The following CBR4 variants were observed in gnomAD, a reference collection of about 807,000 sequenced individuals.
The protein encoded by CBR4 is carbonyl reductase 4, also known as 3-oxoacyl-[acyl-carrier-protein] reductase.
Under a neutral mutation model 21.0 loss-of-function variants are expected in CBR4, and 22 were observed. The observed-to-expected ratio is 1.05, with a 90% CI of 0.75 to 1.50. The LOEUF (loss-of-function observed/expected upper bound fraction) is 1.50, where lower values mean the gene tolerates loss of function less well. Among genes scored for constraint, CBR4 ranks in the 40% most tolerant of loss-of-function variants. The pLI, the probability that CBR4 is intolerant of heterozygous loss-of-function variation, is 0.00. For synonymous variants in CBR4, 100 were observed against 104.4 expected (o/e 0.96, Z 0.26); for missense variants, 302 against 286.3 (o/e 1.05, Z -0.40).
chr4:168,931,092 T>C (rs1003276120), intron 2 of CBR4, among the ~76,000 whole-genome samples: 10 of 152,156 alleles, frequency 6.6e-5, no homozygotes, highest in African/African-American at 2.4e-4. Flanking sequence ...ACTCTGGTTC[T>C]GCACAGCAGG....
chr4:168,921,629 G>C, intron 2 of CBR4: 1 of 1,610,846 alleles, frequency 6.2e-7, no homozygotes, highest in Non-Finnish European at 8.5e-7. Flanking sequence ...GTGAGAACGG[G>C]GTGCACTCTC....
intron 2 of CBR4, among the ~76,000 whole-genome samples, chr4:168,979,067 G>C (rs1051751381): frequency 6.6e-6 from 1 of 151,682 alleles, no homozygotes; most frequent in African/African-American, 2.4e-5. Context: ...AGCATGCCTT[G>C]CAGAAAAAGA....
chr4:168,951,781 C>G (rs1346222713), intron 2 of CBR4, among the ~76,000 whole-genome samples: 1 of 152,206 alleles, frequency 6.6e-6, no homozygotes. Context: ...GCTGAGAAAT[C>G]TGCTGTTAGT....
chr4:168,944,371 A>C (rs1205299774), intron 2 of CBR4, among the ~76,000 whole-genome samples: 4 of 152,038 alleles, frequency 2.6e-5, no homozygotes, highest in African/African-American at 9.7e-5. Context: ...CCAGCTATTC[A>C]GGAGGCTATG....
chr4:168,903,873 T>C lies in CBR4; in HGVS notation n.170-9108A>G. The C allele has an allele frequency of 3.1e-6, 5 of 1,614,078 alleles. No individual in the cohort carries two copies. Among genetic ancestry groups the C allele is most frequent in the Non-Finnish European group, 3.4e-6 (4 of 1,179,938 alleles). On this transcript the variant is annotated intron_variant and non_coding_transcript_variant, in intron 2 of 3. Coordinates refer to the CBR4 transcript ENST00000509108. ...CCACAGCCTCCACCCTAGATGATGA[T>C]GGGAATTATACAATTATGGCTGCAA...
chr4:168,963,367 AGAG>A (rs1340881795), intron 2 of CBR4, among the ~76,000 whole-genome samples: 1 of 152,240 alleles, frequency 6.6e-6, no homozygotes, highest in Non-Finnish European at 1.5e-5. Context: ...TTACTCATTC[AGAG>A]AAGATAACAG....
At chr4:168,977,470 CCA>C (rs1764407114) in intron 2 of CBR4, among the ~76,000 whole-genome samples, 1 of 152,158 alleles carries the variant, frequency 6.6e-6, no homozygotes, top group Non-Finnish European at 1.5e-5. Flanking sequence ...CATCCTATGC[CCA>C]CACATAGAAC....
At position 168,979,178 on chromosome 4, in the gene CBR4, C is replaced by T. The variant is rs115328856; in HGVS notation, n.169+22893G>A. The stretch of plus-strand genomic sequence containing the variant: ...AAGCCCCCCTCCCTGCTCCCACACC[C>T]CAAGCACAGTCACCCCACCCCCACT... On this transcript the variant is annotated intron_variant and non_coding_transcript_variant, in intron 2 of 3. Coordinates refer to the CBR4 transcript ENST00000509108. Among the ~76,000 whole-genome samples, 632 of 151,972 alleles carry T rather than the reference C, an allele frequency of 4.2e-3. 7 individuals are homozygous for T. The highest frequency in any genetic ancestry group is 0.015 in the African/African-American group (602 of 41,360).
chr4:168,932,109 T>C (rs145346514), intron 2 of CBR4, among the ~76,000 whole-genome samples: 14 of 152,038 alleles, frequency 9.2e-5, no homozygotes, highest in East Asian at 1.9e-4. Flanking sequence ...TAAGGAAATA[T>C]GTGAAATGCC....
At chr4:168,934,285 A>AAAAAAAAAAAAAAG (rs1763047611) in intron 2 of CBR4, among the ~76,000 whole-genome samples, 1 of 147,780 alleles carries the variant, frequency 6.8e-6, no homozygotes, top group Non-Finnish European at 1.5e-5. Context: ...AAAAAAACAA[A>AAAAAAAAAAAAAAG]AAAAAAAAAA....
Position 168,990,108 on chromosome 4 carries a change from G to A in CBR4, c.*42C>T, listed in dbSNP as rs1201339430. 2.0e-6 allele frequency: 3 copies of A among 1,470,870 alleles called. No homozygotes were observed. The highest frequency in any genetic ancestry group is 2.7e-6 in the Non-Finnish European group (3 of 1,103,970). 91.1% of individuals were successfully genotyped at this position (1,470,870 alleles called of 1,614,324 possible). A position where few individuals can be genotyped will look rare whatever the true frequency, so the allele number is the denominator to read the frequency against. On this transcript the variant is annotated 3_prime_UTR_variant, in exon 5 of 5. Transcript: ENST00000306193. ...ATTGTCTAATCAGTAGCCAAAGTGTGCCCTTGATGCTAATCACCCCTATAA... is the reference window on the plus strand; with the variant it reads ...ATTGTCTAATCAGTAGCCAAAGTGTACCCTTGATGCTAATCACCCCTATAA...
intron 2 of CBR4, among the ~76,000 whole-genome samples, chr4:168,980,210 G>A (rs1764501425): frequency 6.6e-6 from 1 of 151,708 alleles, no homozygotes; most frequent in Non-Finnish European, 1.5e-5. Context: ...CCAAGCTGAG[G>A]TCTGCAGCAC....
At chr4:168,944,983 C>T (rs193158223) in intron 2 of CBR4, among the ~76,000 whole-genome samples, 45 of 152,306 alleles carry the variant, frequency 3.0e-4, no homozygotes, top group Admixed American at 2.6e-3. Flanking sequence ...AAAACCTTAT[C>T]TAATTAAAGA....
chr4:168,907,369 TG>T (rs1264591950), intron 2 of CBR4, among the ~76,000 whole-genome samples: 2 of 152,136 alleles, frequency 1.3e-5, no homozygotes, highest in Non-Finnish European at 2.9e-5. Flanking sequence ...CAATTTGGGA[TG>T]GAATTTCTAC....
intron 2 of CBR4, among the ~76,000 whole-genome samples, chr4:168,968,718 T>C (rs950402197): frequency 6.6e-6 from 1 of 152,206 alleles, no homozygotes; most frequent in Non-Finnish European, 1.5e-5. Flanking sequence ...AGGAATATGA[T>C]AGGAATCACC....
chr4:169,004,807 T>C (rs1730767170), intron 3 of CBR4, among the ~76,000 whole-genome samples: 1 of 152,212 alleles, frequency 6.6e-6, no homozygotes, highest in South Asian at 2.1e-4. Flanking sequence ...TTCAGTGATA[T>C]ATTGTAAACT....
At position 169,002,066 on chromosome 4, in the gene CBR4, C is replaced by A; in HGVS notation, c.535+5G>T. 1 of 1,561,268 alleles carries A rather than the reference C, an allele frequency of 6.4e-7. No homozygotes were observed. The highest frequency in any genetic ancestry group is 8.6e-7 in the Non-Finnish European group (1 of 1,157,268). Reference sequence around the variant, plus strand: ...TCAAGTTATTTTAATAAAGTTTTCACTAACCTGGTGCAACTACATTCACTC... The same window carrying A: ...TCAAGTTATTTTAATAAAGTTTTCAATAACCTGGTGCAACTACATTCACTC... On this transcript the variant is annotated splice_donor_5th_base_variant and intron_variant, in intron 4 of 4. Transcript: ENST00000306193.
chr4:168,951,563 T>C (rs1228763786), intron 2 of CBR4, among the ~76,000 whole-genome samples: 1 of 152,246 alleles, frequency 6.6e-6, no homozygotes, highest in Non-Finnish European at 1.5e-5. Flanking sequence ...CCAGGATTTG[T>C]TTCAAGATTT....
intron 2 of CBR4, among the ~76,000 whole-genome samples, chr4:168,981,653 T>A (rs1764550587): frequency 2.0e-5 from 3 of 152,056 alleles, no homozygotes; most frequent in Admixed American, 2.0e-4. Context: ...CTCATTAGCA[T>A]CCCTGAAAGA....
Sources: allele counts gnomAD v4.1 joint callset (sites outside exome capture counted in the v4.1 genomes callset), GRCh38; gene constraint gnomAD v4.1.1; transcripts MANE v1.5; gene names NCBI Gene and HGNC (gene_info 2026-07-23, HGNC 2026-07-21).